The following SLIT3 variants were observed in gnomAD, a reference collection of about 807,000 sequenced individuals.
SLIT3 encodes the protein slit guidance ligand 3, also known as slit homolog 3 protein.
A neutral mutation model predicts 184.0 loss-of-function variants in SLIT3; 68 were observed. The observed-to-expected ratio is 0.37, with a 90% CI of 0.30 to 0.45. The LOEUF is 0.45. Ranked by LOEUF, SLIT3 falls within the 20% of genes least tolerant of loss-of-function variation. SLIT3 has a pLI of 1.00. For synonymous variants in SLIT3, 831 were observed against 828.6 expected, an observed-to-expected ratio of 1.00 and a Z score of -0.05; for missense variants, 1,707 against 2,026.0, an observed-to-expected ratio of 0.84 and a Z score of 3.02.
chr5:169,264,341 G>GT (rs1766318217), intron 1 of SLIT3, among the ~76,000 whole-genome samples: 1 of 152,108 alleles, frequency 6.6e-6, no homozygotes, highest in South Asian at 2.1e-4. Context: ...TTACATGCAT[G>GT]TACCACCATG....
intron 5 of SLIT3, among the ~76,000 whole-genome samples, chr5:168,845,812 A>C (rs1758442533): frequency 6.6e-6 from 1 of 152,250 alleles, no homozygotes. Flanking sequence ...CTCGGTCTGC[A>C]GAGCACACTA....
chr5:168,902,585 C>T (rs570640963), intron 4 of SLIT3, among the ~76,000 whole-genome samples: 2 of 152,182 alleles, frequency 1.3e-5, no homozygotes, highest in African/African-American at 4.8e-5. Context: ...GGTCTCTAGA[C>T]CAGCAGCATT....
chr5:169,126,175 C>G (rs937269725), intron 4 of SLIT3, among the ~76,000 whole-genome samples: 1 of 152,154 alleles, frequency 6.6e-6, no homozygotes, highest in Non-Finnish European at 1.5e-5. Flanking sequence ...GGACTATCTT[C>G]CTTTGCAGGA....
intron 4 of SLIT3, among the ~76,000 whole-genome samples, chr5:168,965,705 G>T (rs1763162027): frequency 6.6e-6 from 1 of 152,196 alleles, no homozygotes. Flanking sequence ...TCGCTTATCA[G>T]CAATGACACC....
intron 14 of SLIT3, 120 bp downstream of exon 14, chr5:168,772,661 G>T: frequency 9.3e-7 from 1 of 1,072,746 alleles, no homozygotes; most frequent in Non-Finnish European, 1.4e-6. Flanking sequence ...AATTTAATTT[G>T]CAAAGATGCT....
chr5:168,833,459 G>T (rs1177730154), intron 6 of SLIT3, among the ~76,000 whole-genome samples: 1 of 152,224 alleles, frequency 6.6e-6, no homozygotes, highest in East Asian at 1.9e-4. Context: ...GGCAGCCAGG[G>T]ATCAATGATG....
intron 4 of SLIT3, among the ~76,000 whole-genome samples, chr5:169,072,893 C>T (rs1758605297): frequency 6.6e-6 from 1 of 152,224 alleles, no homozygotes; most frequent in Non-Finnish European, 1.5e-5. Flanking sequence ...GGAGACCCAA[C>T]TGTTGCTGTA....
At chr5:169,077,938 A>C (rs1315495279) in intron 4 of SLIT3, among the ~76,000 whole-genome samples, 1 of 152,138 alleles carries the variant, frequency 6.6e-6, no homozygotes, top group Non-Finnish European at 1.5e-5. Context: ...GTGTCTCTAC[A>C]CACAGCCAGT....
chr5:168,684,946 ATTAT>A (rs923051317), intron 31 of SLIT3, among the ~76,000 whole-genome samples: 3 of 151,812 alleles, frequency 2.0e-5, no homozygotes, highest in African/African-American at 4.8e-5. Flanking sequence ...AGATAATTTT[ATTAT>A]TTATTTATTT....
At chr5:168,748,512 T>C in intron 19 of SLIT3, 78 bp from the exon 20 acceptor site, 4 of 1,391,818 alleles carry the variant, frequency 2.9e-6, no homozygotes, top group East Asian at 2.8e-5. Flanking sequence ...AGGCTGCGTG[T>C]TCTCCACAAA....
intron 3 of SLIT3, among the ~76,000 whole-genome samples, chr5:169,223,075 T>C (rs972875363): frequency 1.3e-5 from 2 of 152,172 alleles, no homozygotes; most frequent in African/African-American, 4.8e-5. Flanking sequence ...CAACTGTAAA[T>C]TCAGTCCGGA....
chr5:169,039,318 T>A (rs1019372606), intron 4 of SLIT3, among the ~76,000 whole-genome samples: 1 of 73,064 alleles, frequency 1.4e-5, no homozygotes, highest in Admixed American at 1.4e-4. Flanking sequence ...TTTTTTTGTG[T>A]TTTTTTTTTT....
chr5:169,216,869 G>A (rs765709560), intron 3 of SLIT3, among the ~76,000 whole-genome samples: 20 of 152,258 alleles, frequency 1.3e-4, no homozygotes, highest in Non-Finnish European at 2.5e-4. Flanking sequence ...CTTATGAGCC[G>A]ATAGGTATTG....
chr5:168,817,223 G>T, intron 8 of SLIT3, 77 bp downstream of exon 8: 1 of 1,387,526 alleles, frequency 7.2e-7, no homozygotes, highest in Non-Finnish European at 1.0e-6. Flanking sequence ...ATGTGTTCAA[G>T]GTCAGGGTGA....
chr5:169,236,446 T>C (rs1765203129), intron 3 of SLIT3, among the ~76,000 whole-genome samples: 1 of 151,852 alleles, frequency 6.6e-6, no homozygotes, highest in Non-Finnish European at 1.5e-5. Context: ...CCAGGCCCTC[T>C]TGCTGACAGA....
chr5:169,222,827 C>A (rs1363398641), intron 3 of SLIT3, among the ~76,000 whole-genome samples: 1 of 152,162 alleles, frequency 6.6e-6, no homozygotes, highest in Non-Finnish European at 1.5e-5. Flanking sequence ...GCCATTGTCA[C>A]CCAGAGAGAA....
rs542669674 is a variant in SLIT3 at position 169,022,967 on chromosome 5, C to T, written c.414-139631G>A. ...AGGTAATAAGAAAAAAAATATATCACCATTTCACTAAGAGTCCAGTATTGT... is the reference window on the plus strand; with the variant it reads ...AGGTAATAAGAAAAAAAATATATCATCATTTCACTAAGAGTCCAGTATTGT... On this transcript the variant is annotated intron_variant, in intron 4 of 35. Coordinates refer to ENST00000519560, the MANE Select transcript of SLIT3 (RefSeq NM_003062.4). 3 of 152,252 alleles carry T rather than the reference C, an allele frequency of 2.0e-5. No individual in the cohort carries two copies. The South Asian group carries it at 6.2e-4, about 32-fold the overall frequency. 9.4% of individuals were successfully genotyped at this position (152,252 alleles called of 1,614,324 possible).
chr5:168,810,600 C>T (rs960617164), intron 8 of SLIT3, among the ~76,000 whole-genome samples: 4 of 152,206 alleles, frequency 2.6e-5, no homozygotes, highest in Admixed American at 2.0e-4. Context: ...TACGCGTCTC[C>T]CCTCTGGGGG....
intron 3 of SLIT3, among the ~76,000 whole-genome samples, chr5:169,232,191 C>T (rs1765028914): frequency 6.6e-6 from 1 of 152,014 alleles, no homozygotes; most frequent in East Asian, 1.9e-4. Flanking sequence ...CTGTGCCTTG[C>T]TTATGAAATA....
Sources: allele counts gnomAD v4.1 joint callset (sites outside exome capture counted in the v4.1 genomes callset), GRCh38; gene constraint gnomAD v4.1.1; transcripts MANE v1.5; gene names NCBI Gene and HGNC (gene_info 2026-07-23, HGNC 2026-07-21).